Variants in AFG2A observed in about 807,000 individuals in gnomAD.
The protein encoded by AFG2A is ATPase family gene 2 protein homolog A.
At chr4:123,234,283 C>G in the AFG2A span, among the ~76,000 whole-genome samples, 23 of 152,068 alleles carry the variant, frequency 1.5e-4, no homozygotes, top group Non-Finnish European at 2.6e-4. Context: ...ACATTCTATC[C>G]TTAATGCTTA....
At chr4:122,955,762 T>G in the AFG2A span, among the ~76,000 whole-genome samples, 1 of 152,220 alleles carries the variant, frequency 6.6e-6, no homozygotes, top group Non-Finnish European at 1.5e-5. Flanking sequence ...GAATCACAGT[T>G]GGGAGAGACT....
At chr4:123,116,190 A>G in the AFG2A span, among the ~76,000 whole-genome samples, 2 of 152,182 alleles carry the variant, frequency 1.3e-5, no homozygotes, top group Non-Finnish European at 2.9e-5. Flanking sequence ...TATTTTGAGG[A>G]CGTTTCTCTT....
chr4:122,993,896 C>T, the AFG2A span, among the ~76,000 whole-genome samples: 291 of 151,904 alleles, frequency 1.9e-3, no homozygotes, highest in South Asian at 4.4e-3. Flanking sequence ...ATAGCTGGGC[C>T]ATTACTTTTA....
chr4:123,139,486 G>C, the AFG2A span, among the ~76,000 whole-genome samples: 2 of 151,722 alleles, frequency 1.3e-5, no homozygotes, highest in Non-Finnish European at 2.9e-5. Context: ...ATTAAAACTT[G>C]ATCCATCTGT....
the AFG2A span, among the ~76,000 whole-genome samples, chr4:123,233,865 A>G: frequency 6.6e-6 from 1 of 152,072 alleles, no homozygotes; most frequent in South Asian, 2.1e-4. Flanking sequence ...GCCCAGGCAC[A>G]TCTTACTCAA....
the AFG2A span, among the ~76,000 whole-genome samples, chr4:123,149,270 G>T: frequency 6.6e-6 from 1 of 151,980 alleles, no homozygotes; most frequent in Non-Finnish European, 1.5e-5. Context: ...CTGGGAGAAA[G>T]GATAAAACCA....
chr4:122,944,308 C>T, the AFG2A span, among the ~76,000 whole-genome samples: 1 of 151,846 alleles, frequency 6.6e-6, no homozygotes, highest in Non-Finnish European at 1.5e-5. Flanking sequence ...CACATAGTCC[C>T]ATATTTCTTG....
chr4:123,309,201 T>G, the AFG2A span, among the ~76,000 whole-genome samples: 2 of 152,224 alleles, frequency 1.3e-5, no homozygotes, highest in African/African-American at 2.4e-5. Flanking sequence ...AGTGTCGTAG[T>G]CCATTCTGGC....
At chr4:122,944,345 T>C in the AFG2A span, among the ~76,000 whole-genome samples, 1 of 152,000 alleles carries the variant, frequency 6.6e-6, no homozygotes, top group East Asian at 1.9e-4. Flanking sequence ...CTTTTTATTC[T>C]TTTTTCTCTA....
the AFG2A span, among the ~76,000 whole-genome samples, chr4:122,933,216 T>A: frequency 6.6e-6 from 1 of 152,244 alleles, no homozygotes; most frequent in African/African-American, 2.4e-5. Flanking sequence ...GAACATTGAT[T>A]TAGGCCACTA....
At chr4:123,313,677 G>C in the AFG2A span, among the ~76,000 whole-genome samples, 1 of 152,192 alleles carries the variant, frequency 6.6e-6, no homozygotes, top group Admixed American at 6.5e-5. Flanking sequence ...TTAATACGTT[G>C]CTTTGGGATG....
the AFG2A span, among the ~76,000 whole-genome samples, chr4:123,037,125 G>T: frequency 6.6e-6 from 1 of 151,952 alleles, no homozygotes; most frequent in Admixed American, 6.6e-5. Context: ...CACCAGGCAG[G>T]TGTCAGACAC....
the AFG2A span, among the ~76,000 whole-genome samples, chr4:123,273,424 G>T: frequency 6.6e-6 from 1 of 151,940 alleles, no homozygotes; most frequent in Non-Finnish European, 1.5e-5. Flanking sequence ...TTGAAAATAT[G>T]ATTCACTATA....
chr4:123,185,508 C>T, the AFG2A span, among the ~76,000 whole-genome samples: 1 of 151,952 alleles, frequency 6.6e-6, no homozygotes, highest in African/African-American at 2.4e-5. Context: ...GTAATTTTGC[C>T]CAAACTCACA....
At chr4:123,109,911 C>G in the AFG2A span, among the ~76,000 whole-genome samples, 2 of 152,132 alleles carry the variant, frequency 1.3e-5, no homozygotes, top group Non-Finnish European at 2.9e-5. Flanking sequence ...AAAGCATCAG[C>G]TTTTCACTTG....
At chr4:123,075,492 G>A in the AFG2A span, among the ~76,000 whole-genome samples, 124,364 of 151,588 alleles carry the variant, frequency 0.82, 52,515 homozygotes, top group East Asian at 0.97. Context: ...TAAAGGCGGG[G>A]TTTCACCATG....
chr4:123,028,449 A>G, the AFG2A span: 1 of 1,432,512 alleles, frequency 7.0e-7, no homozygotes, highest in Admixed American at 1.7e-5. Flanking sequence ...CCCAACCCCC[A>G]TTCTCTGACT....
At chr4:123,249,742 G>T in the AFG2A span, among the ~76,000 whole-genome samples, 1 of 152,136 alleles carries the variant, frequency 6.6e-6, no homozygotes, top group East Asian at 1.9e-4. Flanking sequence ...CAATCTGTTG[G>T]GAAAGACAGA....
chr4:123,053,771 T>C, the AFG2A span, among the ~76,000 whole-genome samples: 5 of 152,118 alleles, frequency 3.3e-5, no homozygotes, highest in Non-Finnish European at 5.9e-5. Flanking sequence ...GGAAAGCTTG[T>C]CTTGTTGGCT....
Sources: gnomAD v4.1 joint callset for allele counts (sites outside exome capture counted in the v4.1 genomes callset) on GRCh38, gnomAD v4.1.1 for gene constraint, MANE v1.5 for transcripts, NCBI Gene and HGNC (gene_info 2026-07-23, HGNC 2026-07-21) for gene names.